STPG2: variants seen among roughly 807,000 people sequenced by gnomAD.
The protein encoded by STPG2 is sperm tail PG-rich repeat containing 2, also known as sperm-tail PG-rich repeat-containing protein 2.
STPG2 carries 56 observed loss-of-function variants against 54.2 expected under a neutral mutation model. The observed-to-expected ratio is 1.03, with a 90% CI of 0.83 to 1.29. The LOEUF (loss-of-function observed/expected upper bound fraction) is 1.29, where lower values mean the gene tolerates loss of function less well. Ranked by LOEUF, STPG2 falls within the 50% of genes most tolerant of loss-of-function variation. STPG2 has a pLI of 0.00. For synonymous variants in STPG2, 200 were observed against 181.8 expected, an observed-to-expected ratio of 1.10 and a Z score of -0.81; for missense variants, 596 against 544.9, an observed-to-expected ratio of 1.09 and a Z score of -0.93.
rs1026646384 is a variant in STPG2, at chr4:97,492,834, A to G, written c.462+219865T>C. ...TATCTATACTAATGTATTATACTAT[A>G]TATTTTGGAAGATTGTATTTCTAAG... On this transcript the variant is annotated intron_variant, in intron 4 of 4. Coordinates refer to the STPG2 transcript ENST00000522676. Among the ~76,000 whole-genome samples the G allele has an allele frequency of 3.3e-5, 5 of 150,778 alleles. No homozygotes were observed. The East Asian group carries it at 5.9e-4, about 18-fold the overall frequency.
intron 9 of STPG2, among the ~76,000 whole-genome samples, chr4:97,835,668 C>T: frequency 6.6e-6 from 1 of 152,018 alleles, no homozygotes; most frequent in East Asian, 1.9e-4. Context: ...AAGGCTATGG[C>T]CACCATACAG....
rs762528894 is a variant in STPG2, at chr4:98,109,269, G to A, written c.424C>T (p.His142Tyr). The A allele has an allele frequency of 1.2e-6, 2 of 1,609,160 alleles. No homozygotes were observed. Among genetic ancestry groups the A allele is most frequent in the Admixed American group, 3.4e-5 (2 of 59,626 alleles). Residue 142 changes from histidine to tyrosine, a missense_variant, in exon 4 of 11, where the codon CAT (histidine) becomes TAT (tyrosine). By Grantham distance (83) the His-to-Tyr change is moderately conservative. Coordinates refer to ENST00000295268, the MANE Select transcript of STPG2 (RefSeq NM_174952.3). ...TGTCTTCCTGAAGAGTTGCCAAAATGTATACCTTTGTATTTCAAAGTTGCA... is the reference window on the plus strand; with the variant it reads ...TGTCTTCCTGAAGAGTTGCCAAAATATATACCTTTGTATTTCAAAGTTGCA... ...SNATLKYKGI[H>Y]FGNSSGRQEL... is the part of the protein sequence containing the mutation.
intron 6 of STPG2, among the ~76,000 whole-genome samples, chr4:97,974,662 T>C (rs1373941049): frequency 6.6e-6 from 1 of 152,114 alleles, no homozygotes; most frequent in East Asian, 1.9e-4. Context: ...AAACTGGAGT[T>C]TCCCTGCACA....
At chr4:97,969,689 AC>A (rs1222976808) in intron 7 of STPG2, among the ~76,000 whole-genome samples, 1 of 152,120 alleles carries the variant, frequency 6.6e-6, no homozygotes, top group African/African-American at 2.4e-5. Flanking sequence ...TCTATGACAA[AC>A]CCACAGCCAG....
intron 5 of STPG2, among the ~76,000 whole-genome samples, chr4:97,990,984 G>A (rs1734983074): frequency 6.6e-6 from 1 of 151,990 alleles, no homozygotes; most frequent in African/African-American, 2.4e-5. Flanking sequence ...TTCTTTAGTG[G>A]TGATTTCTGA....
intron 5 of STPG2, among the ~76,000 whole-genome samples, chr4:98,073,544 G>A (rs746352732): frequency 3.2e-4 from 49 of 152,110 alleles, no homozygotes; most frequent in Non-Finnish European, 5.9e-4. Flanking sequence ...TAGCCAACAT[G>A]AGGAAACTTC....
intron 10 of STPG2, among the ~76,000 whole-genome samples, chr4:97,608,136 A>C (rs1733641572): frequency 6.6e-6 from 1 of 151,970 alleles, no homozygotes. Context: ...AGGAAAAACA[A>C]GTGCAGTCGA....
chr4:97,472,111 T>C (rs896335139), intron 4 of STPG2, among the ~76,000 whole-genome samples: 2 of 152,216 alleles, frequency 1.3e-5, no homozygotes, highest in Non-Finnish European at 2.9e-5. Flanking sequence ...AACTCTTTCT[T>C]AGTTTCTTCA....
intron 4 of STPG2, among the ~76,000 whole-genome samples, chr4:97,529,575 A>C (rs1731367195): frequency 6.6e-6 from 1 of 152,062 alleles, no homozygotes; most frequent in Non-Finnish European, 1.5e-5. Context: ...TCCTCTTTGC[A>C]TGTCTGGTAG....
chr4:98,081,971 C>G (rs77962966), intron 5 of STPG2, among the ~76,000 whole-genome samples: 1 of 152,122 alleles, frequency 6.6e-6, no homozygotes, highest in Non-Finnish European at 1.5e-5. Context: ...ACTAAAAGCC[C>G]TTACCAAGAA....
At chr4:97,678,753 C>G (rs1722933435) in intron 10 of STPG2, among the ~76,000 whole-genome samples, 1 of 151,374 alleles carries the variant, frequency 6.6e-6, no homozygotes, top group African/African-American at 2.4e-5. Flanking sequence ...TTAGGTATAT[C>G]TCCTAATGCT....
chr4:97,884,326 A>G (rs921175941), intron 8 of STPG2, among the ~76,000 whole-genome samples: 1 of 152,180 alleles, frequency 6.6e-6, no homozygotes, highest in Admixed American at 6.5e-5. Flanking sequence ...AAATGTGACT[A>G]TATTTGCAGA....
intron 4 of STPG2, among the ~76,000 whole-genome samples, chr4:97,540,847 A>G (rs1312111059): frequency 2.0e-5 from 3 of 152,152 alleles, no homozygotes; most frequent in Admixed American, 2.0e-4. Context: ...TCCAGCATAT[A>G]AAAAGAACCA....
At position 97,602,778 on chromosome 4, in the gene STPG2, A is replaced by G. The variant is rs1733497170; in HGVS notation, c.1321-43661T>C. 2.0e-5 allele frequency among the ~76,000 whole-genome samples: 3 copies of G among 151,902 alleles called. No homozygotes were observed. The South Asian group carries it at 6.2e-4, about 31-fold the overall frequency. On this transcript the variant is annotated intron_variant, in intron 10 of 10. Transcript: ENST00000295268. ...ATTATCTTAGTCTGTACAAGGATTC[A>G]TTATTTTACGCCTTTATTGCATAGT... is the stretch of plus-strand genomic sequence containing the variant.
chr4:97,734,042 A>G (rs937639612), intron 9 of STPG2, among the ~76,000 whole-genome samples: 6 of 152,030 alleles, frequency 3.9e-5, no homozygotes, highest in Non-Finnish European at 8.8e-5. Flanking sequence ...CCAGCACTAT[A>G]CTGATTAAAA....
chr4:97,563,964 G>C (rs1372687141), intron 10 of STPG2, among the ~76,000 whole-genome samples: 1 of 152,154 alleles, frequency 6.6e-6, no homozygotes, highest in Non-Finnish European at 1.5e-5. Context: ...TTGGTGCAGA[G>C]CTGAGTTCAA....
intron 8 of STPG2, among the ~76,000 whole-genome samples, chr4:97,914,282 C>T (rs1731789601): frequency 6.6e-6 from 1 of 151,870 alleles, no homozygotes; most frequent in Non-Finnish European, 1.5e-5. Context: ...TCTCTGAAGC[C>T]CAATTGAAAA....
chr4:97,959,766 A>T (rs1214843936), intron 7 of STPG2, among the ~76,000 whole-genome samples: 1 of 152,114 alleles, frequency 6.6e-6, no homozygotes, highest in Non-Finnish European at 1.5e-5. Flanking sequence ...TCTACCAGAC[A>T]TTCAAAGAAG....
chr4:97,491,547 A>C (rs1271597301), intron 4 of STPG2, among the ~76,000 whole-genome samples: 2 of 151,548 alleles, frequency 1.3e-5, no homozygotes, highest in African/African-American at 4.8e-5. Flanking sequence ...ATAAAGCATC[A>C]GCTGAATCTC....
Sources: gnomAD v4.1 joint callset for allele counts (sites outside exome capture counted in the v4.1 genomes callset) on GRCh38, gnomAD v4.1.1 for gene constraint, MANE v1.5 for transcripts, NCBI Gene and HGNC (gene_info 2026-07-23, HGNC 2026-07-21) for gene names.